Variants in ZNF730 observed in about 807,000 individuals in gnomAD.
ZNF730 encodes putative zinc finger protein 730.
In ZNF730, 12 loss-of-function variants were observed where a neutral mutation model predicts 12.6. That is an observed-to-expected ratio of 0.95 (90% CI 0.61 to 1.54). ZNF730 has a LOEUF of 1.54. ZNF730 is among the 40% of genes most tolerant of loss of function. The pLI, the probability that ZNF730 is intolerant of heterozygous loss-of-function variation, is 0.00. For missense variants in ZNF730, 643 were observed against 583.5 expected, an observed-to-expected ratio of 1.10 and a Z score of -1.05; for synonymous variants, 194 against 195.8, an observed-to-expected ratio of 0.99 and a Z score of 0.08.
chr19:23,078,846 C>G (rs1969913023), intron 1 of ZNF730, among the ~76,000 whole-genome samples: 2 of 152,082 alleles, frequency 1.3e-5, no homozygotes, highest in Admixed American at 1.3e-4. Flanking sequence ...GCTCTTGTGC[C>G]CAGACTGGAG....
At position 23,127,795 on chromosome 19, in the gene ZNF730, T is replaced by G. The variant is rs926381082; in HGVS notation, c.4-6285T>G. The G allele has an allele frequency of 4.0e-6, 3 of 746,054 alleles. No homozygotes were observed. In the African/African-American group the frequency reaches 5.2e-5, roughly 13 times the overall value. 46.2% of individuals were successfully genotyped at this position (746,054 alleles called of 1,614,324 possible). A position where few individuals can be genotyped will look rare whatever the true frequency, so the allele number is the denominator to read the frequency against. On this transcript the variant is annotated intron_variant, in intron 1 of 3. Transcript: ENST00000597761. ...GGGCCATCGTCCAGGTCTTCCATCC[T>G]GGCTGCTCCACAGGATGATAGTTTG...
At chr19:23,135,689 T>A (rs1970820660) in intron 2 of ZNF730, among the ~76,000 whole-genome samples, 1 of 151,974 alleles carries the variant, frequency 6.6e-6, no homozygotes, top group African/African-American at 2.4e-5. Flanking sequence ...TTTTTCGTAT[T>A]TTTAGTAGAG....
intron 1 of ZNF730, among the ~76,000 whole-genome samples, chr19:23,077,236 C>G (rs1969878312): frequency 1.3e-5 from 2 of 151,976 alleles, no homozygotes; most frequent in South Asian, 4.1e-4. Context: ...AGGTTTCATA[C>G]CTGGGTGATG....
Position 23,145,997 on chromosome 19 carries a change from G to A in ZNF730, c.953G>A (p.Gly318Asp). Residue 318 changes from glycine (G) to aspartate (D), a missense_variant, in exon 4 of 4, where the codon GGC (glycine) becomes GAC (aspartate). By Grantham distance (94) the Gly-to-Asp change is moderately conservative. Coordinates refer to ENST00000597761, the MANE Select transcript of ZNF730 (RefSeq NM_001277403.2). The part of the protein sequence containing the change: ...KEQPYKCEKC[G>D]KAFKWSSTLT... ...CAACCATACAAATGCGAAAAATGTG[G>A]CAAAGCTTTTAAGTGGTCCTCAACC... The A allele has an allele frequency of 6.2e-7, 1 of 1,605,636 alleles. No homozygotes were observed. Among genetic ancestry groups the A allele is most frequent in the Non-Finnish European group, 8.5e-7 (1 of 1,177,550 alleles).
chr19:23,104,176 C>T (rs1432859015), intron 1 of ZNF730, among the ~76,000 whole-genome samples: 3 of 151,930 alleles, frequency 2.0e-5, no homozygotes, highest in East Asian at 1.9e-4. Context: ...GTGGCTGGCA[C>T]CTCTAGTCTC....
At chr19:23,113,018 A>G (rs1030519960), upstream of ZNF730, among the ~76,000 whole-genome samples, 5 of 152,224 alleles carry the variant, frequency 3.3e-5, no homozygotes, top group Non-Finnish European at 5.9e-5. Flanking sequence ...TGTAAAGGCT[A>G]TGGTTACACA....
chr19:23,116,030 T>C (rs1970514265), upstream of ZNF730, among the ~76,000 whole-genome samples: 1 of 152,258 alleles, frequency 6.6e-6, no homozygotes, highest in Non-Finnish European at 1.5e-5. Context: ...GCAATACATG[T>C]AGATATGTAT....
At chr19:23,085,826 A>G (rs948451874) in intron 1 of ZNF730, among the ~76,000 whole-genome samples, 15 of 72,568 alleles carry the variant, frequency 2.1e-4, no homozygotes, top group African/African-American at 8.9e-4. Flanking sequence ...ATTTCACCCA[A>G]TTTTTTTTTC....
chr19:23,101,285 G>A (rs911235215), intron 1 of ZNF730, among the ~76,000 whole-genome samples: 1 of 152,160 alleles, frequency 6.6e-6, no homozygotes, highest in Non-Finnish European at 1.5e-5. Flanking sequence ...TGACTCTCAC[G>A]TGGATCTGGA....
At chr19:23,077,339 G>T (rs1555710044) in intron 1 of ZNF730, among the ~76,000 whole-genome samples, 2 of 150,022 alleles carry the variant, frequency 1.3e-5, no homozygotes, top group Non-Finnish European at 2.9e-5. Context: ...CAGGTGATCT[G>T]CCCGCCTTGG....
chr19:23,100,695 A>G (rs981600230), intron 1 of ZNF730, among the ~76,000 whole-genome samples: 2 of 115,714 alleles, frequency 1.7e-5, no homozygotes, highest in African/African-American at 6.9e-5. Context: ...TTGCTCTGTC[A>G]CCCAGGCTGG....
intron 1 of ZNF730, among the ~76,000 whole-genome samples, chr19:23,129,507 C>G (rs2145641886): frequency 6.6e-6 from 1 of 151,768 alleles, no homozygotes. Context: ...CGCATGGGGC[C>G]AGTAGCCCCT....
In ZNF730 at chr19:23,145,406, A is replaced by C. The variant is rs1385298727; in HGVS notation, c.362A>C (p.Asp121Ala). 11 of 1,587,830 alleles carry C rather than the reference A, an allele frequency of 6.9e-6. No individual in the cohort carries two copies. The highest frequency in any genetic ancestry group is 8.6e-6 in the Non-Finnish European group (10 of 1,167,728). Reference protein sequence around the residue: ...LLLRKGCKNVDEFKMHKKGYN... With the variant: ...LLLRKGCKNVAEFKMHKKGYN... ...TTAAGAAAAGGCTGTAAAAATGTGG[A>C]TGAGTTTAAGATGCACAAAAAAGGT... is the stretch of plus-strand genomic sequence containing the variant. Residue 121 changes from aspartate to alanine, a missense_variant, in exon 4 of 4, where the codon GAT (aspartate) becomes GCT (alanine). Transcript: ENST00000597761.
At chr19:23,130,540 G>A (rs1001620194) in intron 1 of ZNF730, among the ~76,000 whole-genome samples, 10 of 152,132 alleles carry the variant, frequency 6.6e-5, no homozygotes, top group African/African-American at 2.4e-4. Flanking sequence ...TCTTTATATT[G>A]TTGTGACTTT....
chr19:23,111,433 G>T (rs1180462796), intron 1 of ZNF730, among the ~76,000 whole-genome samples: 1 of 152,080 alleles, frequency 6.6e-6, no homozygotes, highest in Non-Finnish European at 1.5e-5. Flanking sequence ...TATTTCTCTA[G>T]ACAAGTTGTA....
rs1599597012 is a variant in ZNF730, at chr19:23,134,170, G to T, written c.94G>T (p.Val32Leu). Reference protein sequence around the residue: ...DTEQQNLYRNVMLDNYRNLVF... With the variant: ...DTEQQNLYRNLMLDNYRNLVF... ...CGAACAACAGAATTTATATAGAAAT[G>T]TAATGTTAGATAACTACAGAAACCT... The change falls in exon 2 of 4, where the codon GTA (valine) becomes TTA (leucine). Residue 32 changes from valine to leucine, a missense_variant. Coordinates refer to ENST00000597761, the MANE Select transcript of ZNF730 (RefSeq NM_001277403.2). 6.2e-7 allele frequency: 1 copy of T among 1,612,362 alleles called. No homozygotes were observed. Among genetic ancestry groups the T allele is most frequent in the South Asian group, 1.1e-5 (1 of 90,748 alleles).
At chr19:23,094,375 T>TATCC (rs1276960513) in intron 1 of ZNF730, among the ~76,000 whole-genome samples, 162 of 143,858 alleles carry the variant, frequency 1.1e-3, no homozygotes, top group African/African-American at 4.3e-3. Flanking sequence ...TCTATCTATC[T>TATCC]ATCTATCTAT....
intron 3 of ZNF730, among the ~76,000 whole-genome samples, chr19:23,141,247 T>TAGCC (rs1970914232): frequency 6.6e-6 from 1 of 151,536 alleles, no homozygotes; most frequent in Admixed American, 6.6e-5. Flanking sequence ...ACAAAAAAAT[T>TAGCC]AGCCGGGTGT....
At chr19:23,117,448 C>G (rs1599587853) in intron 1 of ZNF730, among the ~76,000 whole-genome samples, 1 of 152,172 alleles carries the variant, frequency 6.6e-6, no homozygotes, top group East Asian at 1.9e-4. Flanking sequence ...CTGCGTCTCT[C>G]CCAGATTATG....
Sources: allele counts gnomAD v4.1 joint callset (sites outside exome capture counted in the v4.1 genomes callset), GRCh38; gene constraint gnomAD v4.1.1; transcripts MANE v1.5; gene names NCBI Gene and HGNC (gene_info 2026-07-23, HGNC 2026-07-21).